The following FRMPD4 variants were observed in gnomAD, a reference collection of about 807,000 sequenced individuals.
The protein encoded by FRMPD4 is FERM and PDZ domain containing 4.
In FRMPD4, 22 loss-of-function variants were observed where a neutral mutation model predicts 94.1. That is an observed-to-expected ratio of 0.23 (90% CI 0.17 to 0.33). The LOEUF (loss-of-function observed/expected upper bound fraction) is 0.33. Among genes scored for constraint, FRMPD4 ranks in the 10% least tolerant of loss-of-function variants. The pLI, the probability that FRMPD4 is intolerant of heterozygous loss-of-function variation, is 1.00. For missense variants in FRMPD4, 1,111 were observed against 1,339.9 expected (o/e 0.83, Z 2.67); for synonymous variants, 631 against 548.6 (o/e 1.15, Z -2.10).
intron 1 of FRMPD4, among the ~76,000 whole-genome samples, chrX:11,859,010 T>C (rs2053669396): frequency 8.9e-6 from 1 of 111,997 alleles, no homozygotes; most frequent in Admixed American, 9.5e-5. Context: ...AATCTAGCTG[T>C]CAAATAATTT....
intron 3 of FRMPD4, among the ~76,000 whole-genome samples, chrX:11,907,847 G>A (rs974553573): frequency 1.8e-5 from 2 of 109,822 alleles, no homozygotes; most frequent in Non-Finnish European, 1.9e-5. Context: ...ATTTTGTTTC[G>A]TAACTTGCTT....
At chrX:12,336,697 T>A (rs2055529985) in intron 1 of FRMPD4, among the ~76,000 whole-genome samples, 1 of 111,543 alleles carries the variant, frequency 9.0e-6, no homozygotes, top group Admixed American at 9.5e-5. Flanking sequence ...TATGGACTTT[T>A]AAAAACTAAC....
chrX:11,856,869 C>G (rs28775972), intron 1 of FRMPD4, among the ~76,000 whole-genome samples: 4,361 of 111,924 alleles, frequency 0.039, 132 homozygotes, highest in African/African-American at 0.1. Context: ...TCTCAGGATA[C>G]AAAATCAATG....
chrX:12,338,168 C>T (rs1373770238), intron 1 of FRMPD4, among the ~76,000 whole-genome samples: 1 of 111,531 alleles, frequency 9.0e-6, no homozygotes, highest in Non-Finnish European at 1.9e-5. Flanking sequence ...TTCCAAAGGC[C>T]CCACATCTTA....
intron 3 of FRMPD4, among the ~76,000 whole-genome samples, chrX:12,092,547 A>G (rs890242893): frequency 5.4e-5 from 6 of 111,955 alleles, no homozygotes; most frequent in Non-Finnish European, 9.4e-5. Flanking sequence ...AAAGAGAAAG[A>G]GAACTGGCAG....
intron 2 of FRMPD4, among the ~76,000 whole-genome samples, chrX:12,515,421 T>C (rs1046520070): frequency 4.5e-5 from 5 of 112,186 alleles, no homozygotes; most frequent in African/African-American, 1.6e-4. Context: ...AAAGAACTTC[T>C]TGATTTCTGC....
At chrX:11,953,961 T>C (rs1014461866) in intron 3 of FRMPD4, among the ~76,000 whole-genome samples, 1 of 112,426 alleles carries the variant, frequency 8.9e-6, no homozygotes, top group South Asian at 3.7e-4. Context: ...TGGTTCTGTG[T>C]AGTAAGCCCT....
chrX:11,895,694 T>C (rs1178705237), intron 3 of FRMPD4, among the ~76,000 whole-genome samples: 3 of 111,753 alleles, frequency 2.7e-5, no homozygotes, highest in African/African-American at 9.7e-5. Context: ...GTTTACATTA[T>C]GTTAAGACTG....
intron 1 of FRMPD4, among the ~76,000 whole-genome samples, chrX:12,311,926 A>G (rs2055036987): frequency 9.0e-6 from 1 of 111,583 alleles, no homozygotes; most frequent in African/African-American, 3.2e-5. Flanking sequence ...AAGCTGTATA[A>G]TAATGTATTT....
At chrX:12,628,389 G>C (rs1414071769) in intron 4 of FRMPD4, among the ~76,000 whole-genome samples, 1 of 111,353 alleles carries the variant, frequency 9.0e-6, no homozygotes, top group African/African-American at 3.3e-5. Flanking sequence ...CATTTGGTCT[G>C]TCTTTGACTA....
chrX:12,682,723 C>G (rs987426497), intron 5 of FRMPD4, among the ~76,000 whole-genome samples: 13 of 112,029 alleles, frequency 1.2e-4, no homozygotes, highest in Non-Finnish European at 2.3e-4. Context: ...CCCTTCTAGG[C>G]AGGTTCTCCC....
chrX:12,406,408 A>C (rs1290037208), intron 1 of FRMPD4, among the ~76,000 whole-genome samples: 1 of 111,983 alleles, frequency 8.9e-6, no homozygotes, highest in East Asian at 2.8e-4. Context: ...TGGAAATCTA[A>C]AAATTGGCTT....
intron 3 of FRMPD4, among the ~76,000 whole-genome samples, chrX:12,036,180 C>T (rs1370028052): frequency 9.0e-6 from 1 of 111,562 alleles, no homozygotes; most frequent in Non-Finnish European, 1.9e-5. Flanking sequence ...ATATCAAGTG[C>T]TTCCTGGTGT....
intron 1 of FRMPD4, among the ~76,000 whole-genome samples, chrX:12,311,477 T>C (rs754681106): frequency 8.9e-6 from 1 of 112,268 alleles, no homozygotes; most frequent in South Asian, 3.7e-4. Context: ...ATATATTTTG[T>C]ATTTTCTTTG....
chrX:12,300,541 T>C lies in FRMPD4; in HGVS notation c.41+161529T>C, dbSNP rs1385046288. ...AAGTGACATGCTGGAGTAAAGGACA[T>C]GTTAGATTTCTTTCAGGATTTCTAA... On this transcript the variant is annotated intron_variant, in intron 1 of 16. Coordinates refer to ENST00000675598, the MANE Select transcript of FRMPD4 (RefSeq NM_001368397.1). 5.3e-5 allele frequency among the ~76,000 whole-genome samples: 6 copies of C among 112,442 alleles called. No homozygotes were observed. The East Asian group carries it at 1.4e-3, about 26-fold the overall frequency.
chrX:12,350,936 G>A (rs1227949998), intron 1 of FRMPD4, among the ~76,000 whole-genome samples: 1 of 112,379 alleles, frequency 8.9e-6, no homozygotes, highest in Non-Finnish European at 1.9e-5. Context: ...AACACTTTGG[G>A]AGGCCAAGGC....
At chrX:12,690,374 A>C in intron 8 of FRMPD4, 48 bp downstream of exon 8, 1 of 1,117,942 alleles carries the variant, frequency 8.9e-7, no homozygotes, top group South Asian at 2.0e-5. Flanking sequence ...GTTAGAGCAG[A>C]GGTTGCCCAG....
At chrX:12,363,892 A>G (rs953574450) in intron 1 of FRMPD4, among the ~76,000 whole-genome samples, 15 of 111,467 alleles carry the variant, frequency 1.3e-4, no homozygotes, top group African/African-American at 3.9e-4. Context: ...TGTTAGCACC[A>G]TGTGGTTAGA....
chrX:12,170,102 C>G (rs1285146987), intron 1 of FRMPD4, among the ~76,000 whole-genome samples: 1 of 110,946 alleles, frequency 9.0e-6, no homozygotes, highest in African/African-American at 3.3e-5. Flanking sequence ...ATTATTGCCT[C>G]CAAGATTTTC....
Sources: gnomAD v4.1 joint callset for allele counts (sites outside exome capture counted in the v4.1 genomes callset) on GRCh38, gnomAD v4.1.1 for gene constraint, MANE v1.5 for transcripts, NCBI Gene and HGNC (gene_info 2026-07-23, HGNC 2026-07-21) for gene names.